The following SMIM31 variants were observed in gnomAD, a reference collection of about 807,000 sequenced individuals.
The protein encoded by SMIM31 is human epithelial cell program regulator.
intron 2 of SMIM31, among the ~76,000 whole-genome samples, chr4:164,779,257 G>T (rs1033770814): frequency 1.4e-4 from 22 of 152,124 alleles, no homozygotes; most frequent in African/African-American, 5.3e-4. Flanking sequence ...TTTCCGTAGC[G>T]TGTGGCTAAA....
At chr4:164,765,759 T>C (rs551957343) in intron 1 of SMIM31, among the ~76,000 whole-genome samples, 1 of 152,120 alleles carries the variant, frequency 6.6e-6, no homozygotes, top group Non-Finnish European at 1.5e-5. Flanking sequence ...ATCTCACAGA[T>C]TTTTTTCAGC....
At chr4:164,771,382 A>G (rs1435311366) in intron 2 of SMIM31, among the ~76,000 whole-genome samples, 10 of 152,204 alleles carry the variant, frequency 6.6e-5, no homozygotes, top group African/African-American at 2.2e-4. Context: ...ACTACATAAT[A>G]ATGTATTTCC....
chr4:164,791,388 A>G (rs1250379759), intron 2 of SMIM31, among the ~76,000 whole-genome samples: 1 of 152,154 alleles, frequency 6.6e-6, no homozygotes, highest in African/African-American at 2.4e-5. Context: ...GCTGGACTGC[A>G]GTGGTGCGAT....
At chr4:164,796,072 T>C (rs1733191400) in intron 2 of SMIM31, among the ~76,000 whole-genome samples, 1 of 152,238 alleles carries the variant, frequency 6.6e-6, no homozygotes, top group Non-Finnish European at 1.5e-5. Flanking sequence ...TTAGAACTAC[T>C]TAATGCTTGA....
chr4:164,788,551 G>A (rs920798385), intron 2 of SMIM31, among the ~76,000 whole-genome samples: 29 of 128,074 alleles, frequency 2.3e-4, no homozygotes, highest in Admixed American at 1.9e-4. Context: ...GTGCAATGGC[G>A]CAATCTCGGC....
chr4:164,796,385 C>A (rs1733195792), intron 2 of SMIM31, among the ~76,000 whole-genome samples: 1 of 152,166 alleles, frequency 6.6e-6, no homozygotes, highest in Non-Finnish European at 1.5e-5. Context: ...TCCTTGTGTG[C>A]CTCCTTTGCA....
In SMIM31 at chr4:164,798,836, G is replaced by A. The variant is rs116846001; in HGVS notation, c.113-2255G>A. 5.3e-5 allele frequency among the ~76,000 whole-genome samples: 8 copies of A among 152,256 alleles called. No individual in the cohort carries two copies. The East Asian group carries it at 1.5e-3, about 29-fold the overall frequency. ...TGGATCATGGGGGTGAATTTCTCAT[G>A]AATGGTTTAACACCATCCCCTCGGT... On this transcript the variant is annotated intron_variant, in intron 2 of 2. Transcript: ENST00000507311.
intron 1 of SMIM31, among the ~76,000 whole-genome samples, chr4:164,757,445 G>A (rs546041301): frequency 6.6e-6 from 1 of 151,314 alleles, no homozygotes; most frequent in South Asian, 2.1e-4. Flanking sequence ...ACAAATTTTT[G>A]TTTGGCTATT....
chr4:164,794,380 C>T (rs1733160028), intron 2 of SMIM31, among the ~76,000 whole-genome samples: 2 of 150,582 alleles, frequency 1.3e-5, no homozygotes, highest in Admixed American at 6.6e-5. Flanking sequence ...GAGACCCTGT[C>T]TCAGAAGAAA....
At chr4:164,760,738 TAAAAAA>T (rs60710008) in intron 1 of SMIM31, among the ~76,000 whole-genome samples, 7 of 86,252 alleles carry the variant, frequency 8.1e-5, no homozygotes, top group Middle Eastern at 0.014. Flanking sequence ...AGACTCCACC[TAAAAAA>T]AAAAAAAAAA....
In SMIM31 at chr4:164,801,843, C is replaced by G. The variant is rs1250390131; in HGVS notation, c.*649C>G. 1 of 152,072 alleles carries G rather than the reference C, an allele frequency of 6.6e-6. No homozygotes were observed. Among genetic ancestry groups the G allele is most frequent in the African/African-American group, 2.4e-5 (1 of 41,418 alleles). 9.4% of individuals were successfully genotyped at this position (152,072 alleles called of 1,614,324 possible). On this transcript the variant is annotated 3_prime_UTR_variant, in exon 3 of 3. Transcript: ENST00000507311. The stretch of plus-strand genomic sequence containing the variant: ...TCTCTCGTCCCAATACTATGTAAAT[C>G]CTTAATGTGTAAGCATCCAGGAAAA...
intron 1 of SMIM31, among the ~76,000 whole-genome samples, chr4:164,755,944 T>C (rs1025190788): frequency 1.3e-5 from 2 of 152,216 alleles, no homozygotes; most frequent in African/African-American, 4.8e-5. Flanking sequence ...CATTTTGCTA[T>C]ATTGGCTTCT....
intron 1 of SMIM31, among the ~76,000 whole-genome samples, chr4:164,761,639 C>G (rs1394362730): frequency 6.6e-6 from 1 of 152,058 alleles, no homozygotes; most frequent in South Asian, 2.1e-4. Flanking sequence ...AGGTCTCTGG[C>G]TGGGCACTGT....
chr4:164,757,461 C>T (rs62352415), intron 1 of SMIM31, among the ~76,000 whole-genome samples: 17,396 of 151,922 alleles, frequency 0.11, 1,111 homozygotes, highest in African/African-American at 0.16. Context: ...CTATTAATTT[C>T]CATGTCCTAT....
At chr4:164,763,488 A>C (rs1732678338) in intron 1 of SMIM31, among the ~76,000 whole-genome samples, 1 of 152,214 alleles carries the variant, frequency 6.6e-6, no homozygotes, top group Non-Finnish European at 1.5e-5. Context: ...AAATTAAAGA[A>C]AAAAACTTTT....
intron 2 of SMIM31, among the ~76,000 whole-genome samples, chr4:164,783,531 GAA>G (rs67784042): frequency 0.5 from 57,195 of 114,868 alleles, 10,988 homozygotes; most frequent in Admixed American, 0.57. Context: ...CTCAAAAAAA[GAA>G]AAAAAAAAAA....
intron 1 of SMIM31, among the ~76,000 whole-genome samples, chr4:164,767,645 T>C (rs4234974): frequency 0.46 from 70,440 of 151,808 alleles, 17,215 homozygotes; most frequent in Admixed American, 0.55. Flanking sequence ...AGTGTAGGCA[T>C]CAGAAGCATC....
intron 2 of SMIM31, among the ~76,000 whole-genome samples, chr4:164,799,166 C>T (rs1339289006): frequency 6.6e-6 from 1 of 152,002 alleles, no homozygotes; most frequent in African/African-American, 2.4e-5. Flanking sequence ...AGGGTGGATC[C>T]CTTGAACTCG....
rs116593748 is a variant in SMIM31, at chr4:164,791,517, T to A, written c.113-9574T>A. ...CCAGCTAATTTTTGTAATTTTTAGG[T>A]GGAGATGGGGTTTTCACTACCTTGC... On this transcript the variant is annotated intron_variant, in intron 2 of 2. Coordinates refer to ENST00000507311, the MANE Select transcript of SMIM31 (RefSeq NM_001352885.1). Among the ~76,000 whole-genome samples the A allele has an allele frequency of 4.5e-3, 691 of 152,100 alleles. 6 individuals carry two copies. Among genetic ancestry groups the A allele is most frequent in the African/African-American group, 0.016 (645 of 41,486 alleles).
Sources: allele counts gnomAD v4.1 joint callset (sites outside exome capture counted in the v4.1 genomes callset), GRCh38; gene constraint gnomAD v4.1.1; transcripts MANE v1.5; gene names NCBI Gene and HGNC (gene_info 2026-07-23, HGNC 2026-07-21).